NAV2: variants seen among roughly 807,000 people sequenced by gnomAD.
NAV2 encodes helicase, APC down-regulated 1.
A neutral mutation model predicts 223.2 loss-of-function variants in NAV2; 54 were observed. That is an observed-to-expected ratio of 0.24 (90% CI 0.19 to 0.30). NAV2 has a LOEUF of 0.30. Ranked by LOEUF, NAV2 falls within the 10% of genes least tolerant of loss-of-function variation. The pLI is 1.00. For synonymous variants in NAV2, 1,279 were observed against 1,239.3 expected (o/e 1.03, Z -0.67); for missense variants, 2,806 against 3,147.5 (o/e 0.89, Z 2.60).
rs558381147 is a variant in NAV2 at position 19,823,254 on chromosome 11, C to T, written c.268-9230C>T. On this transcript the variant is annotated intron_variant, in intron 1 of 37. Transcript: ENST00000349880. The stretch of plus-strand genomic sequence containing the variant: ...TGCATTTTCACTTTTGTCGCTCAGG[C>T]TGGAGTGCAATGGCGTGTTCTTGGC... Among the ~76,000 whole-genome samples the T allele has an allele frequency of 7.9e-5, 12 of 152,308 alleles. No individual in the cohort carries two copies. In the South Asian group the frequency reaches 2.5e-3, roughly 32 times the overall value.
chr11:19,936,475 A>ACGTC (rs1380802872), intron 7 of NAV2, among the ~76,000 whole-genome samples: 2 of 152,198 alleles, frequency 1.3e-5, no homozygotes, highest in African/African-American at 4.8e-5. Context: ...GAAGAGGAAA[A>ACGTC]CGTCTATGAT....
intron 37 of NAV2, among the ~76,000 whole-genome samples, chr11:20,117,101 C>T (rs2063168245): frequency 1.3e-5 from 2 of 152,154 alleles, no homozygotes; most frequent in African/African-American, 4.8e-5. Flanking sequence ...GGATTGTATG[C>T]CCAGCTGCAC....
At chr11:19,369,643 G>A (rs1481708585) in intron 1 of NAV2, among the ~76,000 whole-genome samples, 1 of 152,076 alleles carries the variant, frequency 6.6e-6, no homozygotes, top group South Asian at 2.1e-4. Flanking sequence ...ACATTTTATT[G>A]TAGAATGAAA....
At chr11:19,656,374 T>C (rs2048126586) in intron 1 of NAV2, among the ~76,000 whole-genome samples, 1 of 152,082 alleles carries the variant, frequency 6.6e-6, no homozygotes, top group Non-Finnish European at 1.5e-5. Flanking sequence ...AGAAGGGCCA[T>C]CAAATGCAGA....
intron 6 of NAV2, among the ~76,000 whole-genome samples, chr11:19,911,155 A>G (rs77845232): frequency 0.021 from 3,212 of 151,894 alleles, 131 homozygotes; most frequent in African/African-American, 0.074. Context: ...AAATCCCAGC[A>G]TGTGCCAGAT....
chr11:19,688,666 G>T (rs2049087313), intron 1 of NAV2, among the ~76,000 whole-genome samples: 1 of 152,192 alleles, frequency 6.6e-6, no homozygotes. Flanking sequence ...CACTCAGGGG[G>T]ATATATATCA....
intron 1 of NAV2, among the ~76,000 whole-genome samples, chr11:19,499,780 C>T (rs542198514): frequency 1.3e-5 from 2 of 152,318 alleles, no homozygotes; most frequent in South Asian, 4.1e-4. Flanking sequence ...AAATGTTGTT[C>T]TTTTGCCCCT....
At chr11:20,038,204 C>G (rs1362957504) in intron 12 of NAV2, among the ~76,000 whole-genome samples, 1 of 152,138 alleles carries the variant, frequency 6.6e-6, no homozygotes, top group Admixed American at 6.5e-5. Flanking sequence ...CTCTTTAGAC[C>G]AGCTCTTTGC....
chr11:19,495,565 C>A (rs1310875586), intron 1 of NAV2, among the ~76,000 whole-genome samples: 1 of 152,148 alleles, frequency 6.6e-6, no homozygotes, highest in East Asian at 1.9e-4. Context: ...AGCTGTCATT[C>A]ATTTATTCTG....
intron 1 of NAV2, among the ~76,000 whole-genome samples, chr11:19,605,369 G>A (rs948414142): frequency 1.8e-4 from 27 of 152,096 alleles, no homozygotes; most frequent in African/African-American, 6.5e-4. Flanking sequence ...GGAGAGTAAA[G>A]GAAGATGGAC....
intron 1 of NAV2, among the ~76,000 whole-genome samples, chr11:19,598,255 C>T (rs1236136663): frequency 6.6e-6 from 1 of 152,208 alleles, no homozygotes; most frequent in East Asian, 1.9e-4. Flanking sequence ...CCAAAGAGAA[C>T]CTGGGGGTGC....
At chr11:19,445,780 G>A (rs1564941575) in intron 1 of NAV2, among the ~76,000 whole-genome samples, 1 of 146,780 alleles carries the variant, frequency 6.8e-6, no homozygotes. Context: ...TTAAATAAGA[G>A]AGAAAGGGAG....
At chr11:20,106,244 G>A (rs2153709008) in intron 35 of NAV2, among the ~76,000 whole-genome samples, 1 of 109,290 alleles carries the variant, frequency 9.1e-6, no homozygotes, top group Admixed American at 1.0e-4. Flanking sequence ...TTATGAAGTG[G>A]CAATCATAGC....
At chr11:19,745,562 T>C (rs1003470075) in intron 1 of NAV2, among the ~76,000 whole-genome samples, 5 of 152,038 alleles carry the variant, frequency 3.3e-5, no homozygotes, top group Admixed American at 6.6e-5. Flanking sequence ...TTCTTGGGGG[T>C]AGCCGGCTAT....
At chr11:19,896,573 G>A (rs2041999681) in intron 6 of NAV2, among the ~76,000 whole-genome samples, 1 of 151,974 alleles carries the variant, frequency 6.6e-6, no homozygotes. Flanking sequence ...TAAATAATGG[G>A]CATATTTCAC....
At chr11:20,113,341 A>T (rs2062795139) in intron 36 of NAV2, among the ~76,000 whole-genome samples, 1 of 152,202 alleles carries the variant, frequency 6.6e-6, no homozygotes, top group African/African-American at 2.4e-5. Context: ...TATAAAGCCT[A>T]TACCTAGCTG....
intron 1 of NAV2, among the ~76,000 whole-genome samples, chr11:19,692,235 A>G (rs181761955): frequency 4.2e-4 from 64 of 152,348 alleles, no homozygotes; most frequent in Middle Eastern, 3.4e-3. Context: ...CTGAACTAGA[A>G]CGAAGTCCGC....
chr11:19,824,123 T>C (rs1190782812), intron 1 of NAV2, among the ~76,000 whole-genome samples: 1 of 152,230 alleles, frequency 6.6e-6, no homozygotes, highest in Non-Finnish European at 1.5e-5. Context: ...ATTTACTACA[T>C]ACTATGTGCC....
At chr11:19,983,461 T>C (rs2050477862) in intron 10 of NAV2, among the ~76,000 whole-genome samples, 1 of 152,236 alleles carries the variant, frequency 6.6e-6, no homozygotes, top group Non-Finnish European at 1.5e-5. Context: ...CTCATGATCG[T>C]GACAACCGTA....
Sources: gnomAD v4.1 joint callset for allele counts (sites outside exome capture counted in the v4.1 genomes callset) on GRCh38, gnomAD v4.1.1 for gene constraint, MANE v1.5 for transcripts, NCBI Gene and HGNC (gene_info 2026-07-23, HGNC 2026-07-21) for gene names.